SPOCK1: variants seen among roughly 807,000 people sequenced by gnomAD.
SPOCK1 encodes testican-1.
In SPOCK1, 23 loss-of-function variants were observed where a neutral mutation model predicts 55.3. The ratio of observed to expected loss-of-function variants is 0.42; its 90% CI spans 0.30 to 0.59. The LOEUF is 0.59. SPOCK1 is among the 20% of genes least tolerant of loss of function. The pLI, the probability that SPOCK1 is intolerant of heterozygous loss-of-function variation, is 0.22. For synonymous variants in SPOCK1, 226 were observed against 221.0 expected, an observed-to-expected ratio of 1.02 and a Z score of -0.20; for missense variants, 499 against 552.5, an observed-to-expected ratio of 0.90 and a Z score of 0.97.
intron 2 of SPOCK1, among the ~76,000 whole-genome samples, chr5:137,342,405 C>A (rs1750451267): frequency 6.6e-6 from 1 of 152,186 alleles, no homozygotes; most frequent in African/African-American, 2.4e-5. Context: ...GAATCGGTCA[C>A]TATGAATAAT....
At chr5:137,026,550 A>G (rs1751679057) in intron 6 of SPOCK1, among the ~76,000 whole-genome samples, 1 of 152,218 alleles carries the variant, frequency 6.6e-6, no homozygotes, top group Non-Finnish European at 1.5e-5. Flanking sequence ...TGGACTTTCC[A>G]GCTGCTATAA....
intron 3 of SPOCK1, among the ~76,000 whole-genome samples, chr5:137,236,263 C>T (rs537440419): frequency 1.3e-5 from 2 of 152,320 alleles, no homozygotes; most frequent in East Asian, 3.9e-4. Flanking sequence ...CAGTGGTTTG[C>T]AGTGACGAGG....
intron 6 of SPOCK1, among the ~76,000 whole-genome samples, chr5:137,023,401 G>A (rs1168932534): frequency 6.6e-6 from 1 of 152,070 alleles, no homozygotes; most frequent in Non-Finnish European, 1.5e-5. Flanking sequence ...TTTGACTAGG[G>A]GATTGGGTAC....
intron 3 of SPOCK1, among the ~76,000 whole-genome samples, chr5:137,252,955 G>A (rs545979447): frequency 2.1e-4 from 32 of 152,208 alleles, no homozygotes; most frequent in African/African-American, 7.5e-4. Flanking sequence ...CCAGGTCCTC[G>A]GTGGTTACTC....
chr5:137,251,629 T>C (rs1442613166), intron 3 of SPOCK1, among the ~76,000 whole-genome samples: 2 of 152,158 alleles, frequency 1.3e-5, no homozygotes, highest in Admixed American at 6.5e-5. Context: ...CCCTCAGTAA[T>C]GAATGAACTA....
chr5:137,483,327 T>C lies in SPOCK1; in HGVS notation c.186+15046A>G, dbSNP rs1446079119. ...CAGGCTGGACAAGAGTGAGACTCCA[T>C]CCCAGAAATAAAAATAAAAAATAAA... On this transcript the variant is annotated intron_variant, in intron 2 of 10. Transcript: ENST00000394945. Among the ~76,000 whole-genome samples, 3 of 152,122 alleles carry C rather than the reference T, an allele frequency of 2.0e-5. No homozygotes were observed. The East Asian group carries it at 5.8e-4, about 29-fold the overall frequency.
At chr5:137,079,536 C>CGCT (rs142340469) in intron 5 of SPOCK1, among the ~76,000 whole-genome samples, 4 of 113,866 alleles carry the variant, frequency 3.5e-5, no homozygotes, top group Non-Finnish European at 7.0e-5. Flanking sequence ...ATCTGATTCC[C>CGCT]CCCCCCCCCG....
chr5:137,126,353 ATCTTT>A (rs139181825), intron 4 of SPOCK1, among the ~76,000 whole-genome samples: 2,094 of 152,260 alleles, frequency 0.014, 45 homozygotes, highest in African/African-American at 0.047. Flanking sequence ...CCAAATATAT[ATCTTT>A]TCTTTATAAA....
chr5:137,121,571 T>C (rs1046749479), intron 4 of SPOCK1, among the ~76,000 whole-genome samples: 2 of 147,610 alleles, frequency 1.4e-5, no homozygotes, highest in African/African-American at 2.5e-5. Context: ...TTTAAATATA[T>C]AATTTGTATT....
chr5:137,376,387 T>C (rs1881619), intron 2 of SPOCK1, among the ~76,000 whole-genome samples: 19,963 of 152,266 alleles, frequency 0.13, 1,648 homozygotes, highest in East Asian at 0.29. Context: ...AGGCTAAGTG[T>C]GCTGGGCTTT....
In SPOCK1 at chr5:137,078,493, G is replaced by A. The variant is rs149238585; in HGVS notation, c.475-10664C>T. Among the ~76,000 whole-genome samples the A allele has an allele frequency of 2.7e-3, 406 of 152,254 alleles. 6 individuals are homozygous for A. The highest frequency in any genetic ancestry group is 9.4e-3 in the African/African-American group (392 of 41,540). ...GACTCACACCTCTCCAGCTGTGATG[G>A]TGGGTAGGGAGAAACTCTCTGCCCA... On this transcript the variant is annotated intron_variant, in intron 5 of 10. Coordinates refer to ENST00000394945, the MANE Select transcript of SPOCK1 (RefSeq NM_004598.4).
At chr5:136,996,498 C>A (rs1751041865) in intron 6 of SPOCK1, among the ~76,000 whole-genome samples, 1 of 152,116 alleles carries the variant, frequency 6.6e-6, no homozygotes, top group South Asian at 2.1e-4. Context: ...TCTAATTCTC[C>A]CATTTTCAAT....
intron 2 of SPOCK1, among the ~76,000 whole-genome samples, chr5:137,407,752 G>C (rs1752130087): frequency 6.6e-6 from 1 of 152,136 alleles, no homozygotes; most frequent in Non-Finnish European, 1.5e-5. Context: ...TTTCTGCTCT[G>C]TAAGAAAACA....
intron 4 of SPOCK1, among the ~76,000 whole-genome samples, chr5:137,128,986 A>C (rs1045629392): frequency 6.6e-6 from 1 of 152,250 alleles, no homozygotes; most frequent in African/African-American, 2.4e-5. Context: ...AAGTGGTACA[A>C]AAGTCTGCTT....
At chr5:137,402,973 A>AT (rs373749245) in intron 2 of SPOCK1, among the ~76,000 whole-genome samples, 223 of 152,344 alleles carry the variant, frequency 1.5e-3, no homozygotes, top group African/African-American at 4.7e-3. Context: ...CAACAGGCTC[A>AT]TCTCATAGAT....
chr5:136,990,747 A>G lies in SPOCK1; in HGVS notation c.706+1737T>C, dbSNP rs549048484. The stretch of plus-strand genomic sequence containing the variant: ...CATACATCAATTTTATAGGATATCG[A>G]TATTTTAATGCATAAGGCAAGAGGA... On this transcript the variant is annotated intron_variant, in intron 7 of 10. Coordinates refer to ENST00000394945, the MANE Select transcript of SPOCK1 (RefSeq NM_004598.4). Among the ~76,000 whole-genome samples, 24 of 152,300 alleles carry G rather than the reference A, an allele frequency of 1.6e-4. No homozygotes were observed. The South Asian group carries it at 1.9e-3, about 12-fold the overall frequency.
intron 5 of SPOCK1, among the ~76,000 whole-genome samples, chr5:137,098,114 C>T (rs935254966): frequency 1.1e-4 from 16 of 152,108 alleles, no homozygotes; most frequent in African/African-American, 3.9e-4. Flanking sequence ...ACATACTGTT[C>T]GATGAATTTA....
chr5:137,077,822 T>C (rs566277974), intron 5 of SPOCK1, among the ~76,000 whole-genome samples: 32 of 152,338 alleles, frequency 2.1e-4, no homozygotes, highest in African/African-American at 6.3e-4. Flanking sequence ...TAGAGAGAGC[T>C]GTCCATGCTC....
intron 2 of SPOCK1, among the ~76,000 whole-genome samples, chr5:137,276,826 T>C (rs1334456602): frequency 6.6e-6 from 1 of 152,170 alleles, no homozygotes; most frequent in African/African-American, 2.4e-5. Context: ...GGTAGATTTC[T>C]GCCCAATGGC....
Sources: gnomAD v4.1 joint callset for allele counts (sites outside exome capture counted in the v4.1 genomes callset) on GRCh38, gnomAD v4.1.1 for gene constraint, MANE v1.5 for transcripts, NCBI Gene and HGNC (gene_info 2026-07-23, HGNC 2026-07-21) for gene names.